MAOB: variants seen among roughly 807,000 people sequenced by gnomAD.
MAOB encodes the protein monoamine oxidase B.
In MAOB, 15 loss-of-function variants were observed where a neutral mutation model predicts 41.9. The ratio of observed to expected loss-of-function variants is 0.36; its 90% CI spans 0.24 to 0.55. The LOEUF (loss-of-function observed/expected upper bound fraction) is 0.55. Among genes scored for constraint, MAOB ranks in the 20% least tolerant of loss-of-function variants. MAOB has a pLI of 0.86. For missense variants in MAOB, 345 were observed against 398.7 expected, an observed-to-expected ratio of 0.87 and a Z score of 1.15; for synonymous variants, 167 against 144.2, an observed-to-expected ratio of 1.16 and a Z score of -1.13.
intron 1 of MAOB, among the ~76,000 whole-genome samples, chrX:43,855,225 A>G (rs1012395950): frequency 1.8e-5 from 2 of 112,272 alleles, no homozygotes; most frequent in African/African-American, 6.5e-5. Flanking sequence ...TAGAAGAATC[A>G]GTTCTGGCAT....
At chrX:43,829,168 G>A (rs1383211580) in intron 3 of MAOB, among the ~76,000 whole-genome samples, 3 of 112,217 alleles carry the variant, frequency 2.7e-5, no homozygotes, top group Non-Finnish European at 5.6e-5. Context: ...GCTCCAGGTC[G>A]CTCTGCAGTT....
At chrX:43,869,628 G>T (rs1202316815) in intron 1 of MAOB, among the ~76,000 whole-genome samples, 1 of 112,161 alleles carries the variant, frequency 8.9e-6, no homozygotes, top group Non-Finnish European at 1.9e-5. Flanking sequence ...CTGCCCTGTT[G>T]TAAAACCAAT....
At position 43,870,794 on chromosome X, in the gene MAOB, CAAAAAAAA is replaced by C. The variant is rs763016344; in HGVS notation, c.46+11452_46+11459del. Among the ~76,000 whole-genome samples the C allele has an allele frequency of 4.9e-3, 108 of 21,932 alleles. 1 individual carries two copies. The highest frequency in any genetic ancestry group is 0.019 in the African/African-American group (99 of 5,275). The allele number at this position is 21,932 out of a possible 115,157, so 19.0% of individuals were successfully genotyped here. A position where few individuals can be genotyped will look rare whatever the true frequency, so the allele number is the denominator to read the frequency against. On this transcript the variant is annotated intron_variant, in intron 1 of 14. Coordinates refer to ENST00000378069, the MANE Select transcript of MAOB (RefSeq NM_000898.5). ...TGGGCAACTGAGTGAGACTCCACCT[CAAAAAAAA>C]AAAAAAAAAAAAAAAAAGAGAAAGA...
At chrX:43,825,785 T>C (rs2034938470) in intron 3 of MAOB, among the ~76,000 whole-genome samples, 1 of 112,316 alleles carries the variant, frequency 8.9e-6, no homozygotes, top group African/African-American at 3.2e-5. Context: ...AAACTTGAGC[T>C]CTAAAATATA....
chrX:43,841,063 T>C (rs974036561), intron 2 of MAOB, among the ~76,000 whole-genome samples: 10 of 110,911 alleles, frequency 9.0e-5, no homozygotes, highest in African/African-American at 3.0e-4. Context: ...AAAAAAAGAA[T>C]GAGTACAAAA....
At chrX:43,850,386 C>T in intron 1 of MAOB, 2 of 748,777 alleles carry the variant, frequency 2.7e-6, no homozygotes, top group Non-Finnish European at 3.2e-6. Context: ...GGAATATTTG[C>T]AGGCATGTGG....
rs2035056414 is a variant in MAOB, at chrX:43,834,999, A to G, written c.279+3869T>C. ...CCTAGAGCAGTTTCATGGGTGTTTT[A>G]CCAGACTTTACTTTCAAATTTCAGA... On this transcript the variant is annotated intron_variant, in intron 3 of 14. Coordinates refer to ENST00000378069, the MANE Select transcript of MAOB (RefSeq NM_000898.5). Among the ~76,000 whole-genome samples, 3 of 112,086 alleles carry G rather than the reference A, an allele frequency of 2.7e-5. No individual in the cohort carries two copies. The South Asian group carries it at 1.1e-3, about 42-fold the overall frequency.
chrX:43,767,457 C>G lies in MAOB; in HGVS notation c.*9G>C. ...AAGAAGAGAGTGTGATTACAGACAC[C>G]CTCTCTCTTTAGACTCTCACAAGTA... On this transcript the variant is annotated 3_prime_UTR_variant, in exon 15 of 15. Transcript: ENST00000378069. 2 of 1,200,092 alleles carry G rather than the reference C, an allele frequency of 1.7e-6. No homozygotes were observed. Among genetic ancestry groups the G allele is most frequent in the Non-Finnish European group, 2.3e-6 (2 of 888,094 alleles).
At chrX:43,805,430 C>T (rs1263314954) in intron 3 of MAOB, among the ~76,000 whole-genome samples, 1 of 111,266 alleles carries the variant, frequency 9.0e-6, no homozygotes, top group Admixed American at 9.6e-5. Context: ...CAGAAAGTTC[C>T]CTCTTTCCCC....
intron 3 of MAOB, among the ~76,000 whole-genome samples, chrX:43,826,239 C>CACCCACCTGGTT (rs2034945796): frequency 9.0e-6 from 1 of 111,531 alleles, no homozygotes; most frequent in Non-Finnish European, 1.9e-5. Context: ...GTGGGGGACC[C>CACCCACCTGGTT]TCCTGGTTTC....
chrX:43,786,823 T>A (rs999257294), intron 8 of MAOB, among the ~76,000 whole-genome samples: 3 of 110,699 alleles, frequency 2.7e-5, no homozygotes, highest in Non-Finnish European at 5.7e-5. Context: ...CTGAGTCAAG[T>A]GAGTGCACTT....
intron 2 of MAOB, among the ~76,000 whole-genome samples, chrX:43,841,642 T>C (rs1344972466): frequency 8.9e-6 from 1 of 112,118 alleles, no homozygotes; most frequent in Non-Finnish European, 1.9e-5. Context: ...GGCGTTATAC[T>C]ACCCAACTTC....
intron 3 of MAOB, among the ~76,000 whole-genome samples, chrX:43,815,365 C>T: frequency 8.9e-6 from 1 of 111,942 alleles, no homozygotes; most frequent in African/African-American, 3.2e-5. Flanking sequence ...GCTCAACATG[C>T]ACACCAGCAC....
At chrX:43,836,746 T>G (rs1466340477) in intron 3 of MAOB, among the ~76,000 whole-genome samples, 1 of 112,232 alleles carries the variant, frequency 8.9e-6, no homozygotes, top group Admixed American at 9.5e-5. Context: ...TAATCATATT[T>G]TTACAATAAA....
intron 5 of MAOB, among the ~76,000 whole-genome samples, chrX:43,801,401 C>T (rs901637261): frequency 9.0e-6 from 1 of 111,304 alleles, no homozygotes; most frequent in African/African-American, 3.3e-5. Context: ...CATTAACCCC[C>T]GAGCCAAACA....
intron 3 of MAOB, among the ~76,000 whole-genome samples, chrX:43,828,281 A>G (rs1398858750): frequency 8.9e-6 from 1 of 112,327 alleles, no homozygotes; most frequent in African/African-American, 3.2e-5. Flanking sequence ...CATGAAATAA[A>G]CCCAAGAAAC....
intron 1 of MAOB, among the ~76,000 whole-genome samples, chrX:43,845,921 G>A (rs888826862): frequency 1.2e-4 from 13 of 111,663 alleles, no homozygotes. Flanking sequence ...CCCTGTCACC[G>A]GGGGCAGAGC....
At chrX:43,875,367 G>A (rs570129514) in intron 1 of MAOB, among the ~76,000 whole-genome samples, 3 of 111,809 alleles carry the variant, frequency 2.7e-5, no homozygotes, top group South Asian at 3.8e-4. Context: ...AGATGCTTCC[G>A]TCTTCAGTCA....
chrX:43,832,524 G>A (rs1042519515), intron 3 of MAOB, among the ~76,000 whole-genome samples: 5 of 111,370 alleles, frequency 4.5e-5, no homozygotes, highest in Non-Finnish European at 9.4e-5. Flanking sequence ...AAGATGATGA[G>A]GATGAAGACC....
Sources: gnomAD v4.1 joint callset for allele counts (sites outside exome capture counted in the v4.1 genomes callset) on GRCh38, gnomAD v4.1.1 for gene constraint, MANE v1.5 for transcripts, NCBI Gene and HGNC (gene_info 2026-07-23, HGNC 2026-07-21) for gene names.